Variants in RPH3AL observed in about 807,000 individuals in gnomAD.
The protein encoded by RPH3AL is rab effector Noc2.
Under a neutral mutation model 43.1 loss-of-function variants are expected in RPH3AL, and 38 were observed. The ratio of observed to expected loss-of-function variants is 0.88; its 90% CI spans 0.68 to 1.15. The LOEUF (loss-of-function observed/expected upper bound fraction) is 1.15. RPH3AL is among the 50% of genes most tolerant of loss of function. RPH3AL has a pLI of 0.00. For missense variants in RPH3AL, 462 were observed against 423.2 expected (o/e 1.09, Z -0.81); for synonymous variants, 189 against 176.3 (o/e 1.07, Z -0.57).
chr17:304,153 AG>A (rs2043401786), intron 5 of RPH3AL, among the ~76,000 whole-genome samples: 2 of 102,058 alleles, frequency 2.0e-5, no homozygotes, highest in African/African-American at 3.6e-5. Context: ...ACCGTGTCTC[AG>A]GAAAGAGTGG....
chr17:274,381 G>T lies in RPH3AL; in HGVS notation c.438+7387C>A, dbSNP rs987772516. ...TGGAGTAGGGGCAGCAGCTGAAGCCGCCTGGGCAGCCTTCCTGGCACTTCA... is the reference window on the plus strand; with the variant it reads ...TGGAGTAGGGGCAGCAGCTGAAGCCTCCTGGGCAGCCTTCCTGGCACTTCA... On this transcript the variant is annotated intron_variant, in intron 6 of 9. Coordinates refer to ENST00000331302, the MANE Select transcript of RPH3AL (RefSeq NM_006987.4). This position sits in a 1 kb window ranked among gnomAD's most constrained non-coding sequence, Gnocchi z 4.7. 2.0e-5 allele frequency among the ~76,000 whole-genome samples: 3 copies of T among 152,238 alleles called. No individual in the cohort carries two copies. The highest frequency in any genetic ancestry group is 1.3e-4 in the Admixed American group (2 of 15,290).
intron 6 of RPH3AL, among the ~76,000 whole-genome samples, chr17:272,419 G>A (rs1010470120): frequency 1.3e-5 from 2 of 151,942 alleles, no homozygotes; most frequent in Non-Finnish European, 2.9e-5. Context: ...GGAGTACTAT[G>A]CAGCCATAAA....
chr17:286,380 C>G (rs1490658963), intron 5 of RPH3AL, among the ~76,000 whole-genome samples: 1 of 152,132 alleles, frequency 6.6e-6, no homozygotes, highest in Non-Finnish European at 1.5e-5. Context: ...GCTGGCGGCA[C>G]CTGGGGTCAG....
Position 323,808 on chromosome 17 carries a change from A to T in RPH3AL, c.78-2393T>A, listed in dbSNP as rs539449750. Reference sequence around the variant, plus strand: ...CACAGTCACCCCGAGGCAGGCCCGGACCCTCCATCACCCCGCGAGACAGTC... The same window carrying T: ...CACAGTCACCCCGAGGCAGGCCCGGTCCCTCCATCACCCCGCGAGACAGTC... On this transcript the variant is annotated intron_variant, in intron 3 of 9. Transcript: ENST00000331302. The surrounding 1 kb of genome is among the most constrained non-coding windows in gnomAD (Gnocchi z 4.4). 1.3e-5 allele frequency among the ~76,000 whole-genome samples: 2 copies of T among 151,658 alleles called. No homozygotes were observed. Among genetic ancestry groups the T allele is most frequent in the Admixed American group, 1.3e-4 (2 of 15,228 alleles).
rs879293622 is a variant in RPH3AL at position 215,252 on chromosome 17, G to A, written c.876+402C>T. On this transcript the variant is annotated intron_variant, in intron 9 of 9. Coordinates refer to ENST00000331302, the MANE Select transcript of RPH3AL (RefSeq NM_006987.4). The surrounding 1 kb of genome is among the most constrained non-coding windows in gnomAD (Gnocchi z 4.1). ...GGCCAACCAGGGCTGGGCCCAGCAGGTGCAGGGCAGGGTGGGAGCCCAGGA... is the reference window on the plus strand; with the variant it reads ...GGCCAACCAGGGCTGGGCCCAGCAGATGCAGGGCAGGGTGGGAGCCCAGGA... Among the ~76,000 whole-genome samples the A allele has an allele frequency of 1.3e-5, 2 of 152,186 alleles. No homozygotes were observed. The highest frequency in any genetic ancestry group is 2.1e-4 in the South Asian group (1 of 4,834).
chr17:316,819 C>G (rs1156500387), intron 5 of RPH3AL, among the ~76,000 whole-genome samples: 7 of 150,192 alleles, frequency 4.7e-5, no homozygotes, highest in African/African-American at 1.7e-4. Flanking sequence ...GCCCCCACCT[C>G]CATTGACCTG....
At chr17:315,648 C>CCCACCTCCATTGGCCGGTAGACT (rs1224912295) in intron 5 of RPH3AL, among the ~76,000 whole-genome samples, 474 of 48,850 alleles carry the variant, frequency 9.7e-3, no homozygotes, top group South Asian at 0.013. Context: ...ACCTGTAGTC[C>CCCACCTCCATTGGCCGGTAGACT]CTGTGCTCCA....
At chr17:239,098 C>A (rs755087489) in intron 7 of RPH3AL, among the ~76,000 whole-genome samples, 2 of 152,134 alleles carry the variant, frequency 1.3e-5, no homozygotes, top group Admixed American at 1.3e-4. Flanking sequence ...AGAAGGAATA[C>A]CCTGCTGGGA....
chr17:311,974 G>A (rs1167600606), intron 5 of RPH3AL, among the ~76,000 whole-genome samples: 1 of 152,172 alleles, frequency 6.6e-6, no homozygotes. Flanking sequence ...GGGTGCAAGG[G>A]TGAGGCCCTA....
intron 6 of RPH3AL, among the ~76,000 whole-genome samples, chr17:256,058 C>T (rs1242921505): frequency 2.2e-5 from 1 of 44,676 alleles, no homozygotes; most frequent in Non-Finnish European, 4.8e-5. Context: ...GGGAGCCGCA[C>T]GGCGTCTGTC....
intron 5 of RPH3AL, among the ~76,000 whole-genome samples, chr17:316,845 C>T (rs1404702398): frequency 3.2e-4 from 48 of 150,506 alleles, no homozygotes; most frequent in African/African-American, 1.1e-3. Context: ...CCTGTGACTC[C>T]ACCTCCAGTG....
At chr17:223,498 G>C (rs568617726) in intron 7 of RPH3AL, among the ~76,000 whole-genome samples, 7 of 152,282 alleles carry the variant, frequency 4.6e-5, no homozygotes, top group African/African-American at 7.2e-5. Context: ...CCCTTAGTGA[G>C]CATCGTCTTC....
intron 5 of RPH3AL, among the ~76,000 whole-genome samples, chr17:304,969 G>A: frequency 1.7e-5 from 1 of 59,670 alleles, no homozygotes; most frequent in Non-Finnish European, 3.5e-5. Flanking sequence ...GGGCGAGAGG[G>A]GGACAGGGCG....
chr17:236,666 G>T (rs2041403502), intron 7 of RPH3AL, among the ~76,000 whole-genome samples: 1 of 152,248 alleles, frequency 6.6e-6, no homozygotes, highest in Non-Finnish European at 1.5e-5. Context: ...TCTCCTCGCG[G>T]CCTCGCCAGC....
At chr17:302,991 A>C (rs1320982306) in intron 5 of RPH3AL, among the ~76,000 whole-genome samples, 1 of 152,230 alleles carries the variant, frequency 6.6e-6, no homozygotes, top group Non-Finnish European at 1.5e-5. Context: ...TAGGGTTGGA[A>C]TATCCTTGAT....
intron 4 of RPH3AL, among the ~76,000 whole-genome samples, chr17:320,636 C>T (rs78214495): frequency 6.6e-6 from 1 of 151,158 alleles, no homozygotes; most frequent in African/African-American, 2.4e-5. Flanking sequence ...GAGACCCTGT[C>T]CCCCCCAAAA....
At chr17:317,959 C>T (rs62054984) in intron 5 of RPH3AL, among the ~76,000 whole-genome samples, 6,541 of 115,352 alleles carry the variant, frequency 0.057, 214 homozygotes, top group Middle Eastern at 0.099. Context: ...GTTGTTTCTT[C>T]CCAGGGTTTA....
At chr17:226,843 C>T (rs1266252005) in intron 7 of RPH3AL, among the ~76,000 whole-genome samples, 1 of 152,244 alleles carries the variant, frequency 6.6e-6, no homozygotes, top group Non-Finnish European at 1.5e-5. Context: ...GGCCCTTGCT[C>T]TTCCATCCTC....
At chr17:324,192 C>A (rs2044555146) in intron 3 of RPH3AL, among the ~76,000 whole-genome samples, 1 of 152,238 alleles carries the variant, frequency 6.6e-6, no homozygotes, top group African/African-American at 2.4e-5. Flanking sequence ...CCCTGACCTG[C>A]CGAGTTCGTA....
Sources: gnomAD v4.1 joint callset for allele counts (sites outside exome capture counted in the v4.1 genomes callset) on GRCh38, gnomAD v4.1.1 for gene constraint, Gnocchi (gnomAD v3.1) non-coding constraint, MANE v1.5 for transcripts, NCBI Gene and HGNC (gene_info 2026-07-23, HGNC 2026-07-21) for gene names.